CISD2: variants seen among roughly 807,000 people sequenced by gnomAD.
CISD2 encodes the protein CDGSH iron-sulfur domain-containing protein 2.
Under a neutral mutation model 12.9 loss-of-function variants are expected in CISD2, and 1 was observed. The ratio of observed to expected loss-of-function variants is 0.08; its 90% CI spans 0.03 to 0.37. The LOEUF (loss-of-function observed/expected upper bound fraction) is 0.37. Among genes scored for constraint, CISD2 ranks in the 10% least tolerant of loss-of-function variants. CISD2 has a pLI of 0.99. For missense variants in CISD2, 97 were observed against 163.1 expected (o/e 0.59, Z 2.21); for synonymous variants, 50 against 60.6 (o/e 0.83, Z 0.81).
intron 1 of CISD2, among the ~76,000 whole-genome samples, chr4:102,880,532 G>C (rs1333103586): frequency 2.6e-5 from 4 of 151,874 alleles, no homozygotes; most frequent in Non-Finnish European, 5.9e-5. Context: ...ACAAAAATTT[G>C]CTTGGTGTGG....
Position 102,869,112 on chromosome 4 carries a change from G to A in CISD2, c.28G>A (p.Val10Met). Residue 10 changes from valine (V) to methionine (M), a missense_variant, in exon 1 of 3, where the codon GTG becomes ATG. This residue lies in a region of CISD2 where 89 missense variants were observed against 114.4 expected (regional missense o/e 0.78). Transcript: ENST00000273986. ...GGTGCTGGAGAGCGTGGCCCGTATC[G>A]TGAAGGTGCAGCTCCCTGCATATCT... MVLESVARI[V>M]KVQLPAYLKR... The A allele has an allele frequency of 3.1e-6, 5 of 1,612,650 alleles. No homozygotes were observed. Among genetic ancestry groups the A allele is most frequent in the Non-Finnish European group, 4.2e-6 (5 of 1,179,448 alleles).
intron 1 of CISD2, among the ~76,000 whole-genome samples, chr4:102,879,056 A>C (rs909537724): frequency 1.3e-5 from 2 of 152,130 alleles, no homozygotes; most frequent in African/African-American, 4.8e-5. Context: ...AGAGCAAAGC[A>C]GGAAGAGCCC....
chr4:102,873,142 T>A (rs1733503104), intron 1 of CISD2, among the ~76,000 whole-genome samples: 1 of 152,140 alleles, frequency 6.6e-6, no homozygotes, highest in Non-Finnish European at 1.5e-5. Flanking sequence ...TCCAATTACC[T>A]CCACCTGGTC....
chr4:102,886,774 C>T lies in CISD2; in HGVS notation c.319-567C>T, dbSNP rs1034537549. Among the ~76,000 whole-genome samples, 26 of 152,022 alleles carry T rather than the reference C, an allele frequency of 1.7e-4. No homozygotes were observed. The South Asian group carries it at 4.6e-3, about 27-fold the overall frequency. On this transcript the variant is annotated intron_variant, in intron 2 of 2. Transcript: ENST00000273986. ...GAGACACAGGCGTATGCACCACGCCCAGCTAACTTTTGTATTTTTAGTTAG... is the reference window on the plus strand; with the variant it reads ...GAGACACAGGCGTATGCACCACGCCTAGCTAACTTTTGTATTTTTAGTTAG...
intron 1 of CISD2, among the ~76,000 whole-genome samples, chr4:102,876,842 GA>G (rs1333366463): frequency 1.3e-4 from 20 of 152,174 alleles, no homozygotes; most frequent in Admixed American, 1.3e-3. Context: ...TAGGCCTTAG[GA>G]AACTTACGGT....
At chr4:102,880,974 G>A (rs1227997941) in intron 1 of CISD2, among the ~76,000 whole-genome samples, 1 of 149,424 alleles carries the variant, frequency 6.7e-6, no homozygotes, top group African/African-American at 2.5e-5. Flanking sequence ...CTGGGAAACA[G>A]AGCGAGACGC....
intron 1 of CISD2, among the ~76,000 whole-genome samples, chr4:102,871,680 T>C (rs1208339331): frequency 6.6e-6 from 1 of 152,220 alleles, no homozygotes; most frequent in Non-Finnish European, 1.5e-5. Context: ...TTTGGCTTTC[T>C]TAAATGAGTT....
At position 102,883,055 on chromosome 4, in the gene CISD2, A is replaced by C. The variant is rs141901386; in HGVS notation, c.104-2161A>C. 2.1e-3 allele frequency among the ~76,000 whole-genome samples: 319 copies of C among 152,282 alleles called. 4 individuals carry two copies. The highest frequency in any genetic ancestry group is 7.3e-3 in the African/African-American group (305 of 41,556). Reference sequence around the variant, plus strand: ...GCCACCACGCCCACATGTGTATATTAACCGTGTTTTCAATTTTCTGTATTT... The same window carrying C: ...GCCACCACGCCCACATGTGTATATTCACCGTGTTTTCAATTTTCTGTATTT... On this transcript the variant is annotated intron_variant, in intron 1 of 2. Transcript: ENST00000273986.
chr4:102,887,296 A>T, intron 2 of CISD2, 45 bp from the exon 3 acceptor site: 1 of 1,112,720 alleles, frequency 9.0e-7, no homozygotes, highest in Non-Finnish European at 1.4e-6. Context: ...CTACCTAATG[A>T]ATCATATTTT....
chr4:102,879,098 A>G (rs906043017), intron 1 of CISD2, among the ~76,000 whole-genome samples: 1 of 152,108 alleles, frequency 6.6e-6, no homozygotes, highest in Non-Finnish European at 1.5e-5. Flanking sequence ...AGAACTCACT[A>G]TCAGGAGAAC....
intron 1 of CISD2, among the ~76,000 whole-genome samples, chr4:102,869,806 C>T (rs1346395504): frequency 1.3e-5 from 2 of 152,116 alleles, no homozygotes; most frequent in African/African-American, 2.4e-5. Flanking sequence ...AAGAAAGATA[C>T]CTTACCCAAG....
intron 1 of CISD2, chr4:102,874,513 A>G (rs954276872): frequency 1.1e-4 from 16 of 152,208 alleles, no homozygotes; most frequent in African/African-American, 3.9e-4. Context: ...TAAAAAGGAA[A>G]TTTGGGCACA....
At position 102,891,781 on chromosome 4, in the gene CISD2, CAT is replaced by C. The variant is rs1734260048; in HGVS notation, c.*4353_*4354del. 2 of 152,042 alleles carry C rather than the reference CAT, an allele frequency of 1.3e-5. No homozygotes were observed. 9.4% of individuals were successfully genotyped at this position (152,042 alleles called of 1,614,324 possible). ...TAAATAAAGCAGTAGCAATTTAAGT[CAT>C]AATAAATTTTGTTAGATGACTTCTT... is the stretch of plus-strand genomic sequence containing the variant. On this transcript the variant is annotated 3_prime_UTR_variant, in exon 3 of 3. Coordinates refer to ENST00000273986, the MANE Select transcript of CISD2 (RefSeq NM_001008388.5).
At chr4:102,873,393 T>C (rs577531319) in intron 1 of CISD2, among the ~76,000 whole-genome samples, 1 of 152,158 alleles carries the variant, frequency 6.6e-6, no homozygotes, top group East Asian at 1.9e-4. Context: ...CACCTCAACC[T>C]CTTGAGTAGC....
At chr4:102,874,477 A>G (rs1286639060) in intron 1 of CISD2, 1 of 152,180 alleles carries the variant, frequency 6.6e-6, no homozygotes, top group Non-Finnish European at 1.5e-5. Context: ...ACCTAAAATA[A>G]AAGTCGAAAT....
At position 102,885,256 on chromosome 4, in the gene CISD2, C is replaced by T. The variant is rs371712100; in HGVS notation, c.144C>T (p.Leu48=). 2.0e-5 allele frequency: 33 copies of T among 1,613,928 alleles called. No individual in the cohort carries two copies. The African/African-American group carries it at 2.8e-4, about 14-fold the overall frequency. ...GGTTATTGCCTTTCCTTGGTGTACT[C>T]GCACTTCTTGGCTACCTTGCAGTTC... ...WLRLLPFLGV[L]ALLGYLAVRP... is the part of the protein sequence containing the mutation. The change falls in exon 2 of 3, where the codon CTC becomes CTT. Residue 48 remains leucine (L), a synonymous_variant. Transcript: ENST00000273986.
chr4:102,876,238 T>C (rs916931765), intron 1 of CISD2, among the ~76,000 whole-genome samples: 4 of 152,242 alleles, frequency 2.6e-5, no homozygotes, highest in East Asian at 1.9e-4. Flanking sequence ...ACAGTTGTTA[T>C]TCCTGCTTTA....
intron 1 of CISD2, among the ~76,000 whole-genome samples, chr4:102,884,473 G>T (rs1733810633): frequency 6.6e-6 from 1 of 152,174 alleles, no homozygotes; most frequent in Admixed American, 6.5e-5. Context: ...CAGAGGCAGG[G>T]TGCTAGCAGA....
chr4:102,876,979 C>T (rs1199372224), intron 1 of CISD2, among the ~76,000 whole-genome samples: 3 of 152,180 alleles, frequency 2.0e-5, no homozygotes, highest in African/African-American at 4.8e-5. Context: ...AAACCACTCC[C>T]ATGATCCAAT....
Sources: allele counts gnomAD v4.1 joint callset (sites outside exome capture counted in the v4.1 genomes callset), GRCh38; gene constraint gnomAD v4.1.1; regional missense constraint gnomAD v4.1.1; transcripts MANE v1.5; gene names NCBI Gene and HGNC (gene_info 2026-07-23, HGNC 2026-07-21).